The following PRMT8 variants were observed in gnomAD, a reference collection of about 807,000 sequenced individuals.
PRMT8 encodes protein arginine methyltransferase 8.
PRMT8 carries 7 observed loss-of-function variants against 47.1 expected under a neutral mutation model. The observed-to-expected ratio is 0.15, with a 90% CI of 0.08 to 0.28. PRMT8 has a LOEUF of 0.28. Among genes scored for constraint, PRMT8 ranks in the 10% least tolerant of loss-of-function variants. The probability of loss-of-function intolerance (pLI) is 1.00; values close to 1 mark genes in which losing one functional copy is unlikely to be tolerated. For synonymous variants in PRMT8, 188 were observed against 186.5 expected (o/e 1.01, Z -0.07); for missense variants, 237 against 505.4 (o/e 0.47, Z 5.09).
intron 1 of PRMT8, among the ~76,000 whole-genome samples, chr12:3,412,564 A>G (rs1490194416): frequency 6.6e-6 from 1 of 152,216 alleles, no homozygotes; most frequent in African/African-American, 2.4e-5. Context: ...TCTGTACAAA[A>G]TATTTTCCTT....
chr12:3,494,334 C>T (rs936933527), intron 1 of PRMT8, among the ~76,000 whole-genome samples: 1 of 152,178 alleles, frequency 6.6e-6, no homozygotes. Flanking sequence ...CTCATTCCAT[C>T]CTCACAACAA....
chr12:3,459,751 C>A lies in PRMT8; in HGVS notation c.48+78309C>A, dbSNP rs1021838158. Among the ~76,000 whole-genome samples, 10 of 152,116 alleles carry A rather than the reference C, an allele frequency of 6.6e-5. No individual in the cohort carries two copies. The East Asian group carries it at 1.9e-3, about 29-fold the overall frequency. ...GTGTCTGCAGCAGTGATGGAAGACG[C>A]TGGAGCCTTCCTCCTCCCCTGTCTT... On this transcript the variant is annotated intron_variant, in intron 1 of 9. Transcript: ENST00000452611.
intron 1 of PRMT8, among the ~76,000 whole-genome samples, chr12:3,383,417 A>G (rs1417544289): frequency 6.6e-6 from 1 of 152,220 alleles, no homozygotes; most frequent in African/African-American, 2.4e-5. Flanking sequence ...TTTCAGCATA[A>G]AAGTCTGCTA....
At chr12:3,405,389 A>G (rs889183788) in intron 1 of PRMT8, among the ~76,000 whole-genome samples, 1 of 152,112 alleles carries the variant, frequency 6.6e-6, no homozygotes, top group Non-Finnish European at 1.5e-5. Context: ...ATGTCATTCC[A>G]CCTCTGGCTC....
At chr12:3,528,985 A>G (rs577687931) in intron 1 of PRMT8, among the ~76,000 whole-genome samples, 1 of 152,316 alleles carries the variant, frequency 6.6e-6, no homozygotes, top group East Asian at 1.9e-4. Context: ...TGTGAGCCCC[A>G]CAGAGAAGTC....
In PRMT8 at chr12:3,521,535, T is replaced by C. The variant is rs1349149298; in HGVS notation, c.76-19071T>C. On this transcript the variant is annotated intron_variant, in intron 1 of 9. Transcript: ENST00000382622. ...GTTGCAGTCAGCTGAGATCTCACCA[T>C]TGCACTCCAGCCTGGGCAGCAAGAG... is the stretch of plus-strand genomic sequence containing the variant. Among the ~76,000 whole-genome samples the C allele has an allele frequency of 2.6e-5, 4 of 152,034 alleles. No homozygotes were observed. The East Asian group carries it at 7.7e-4, about 29-fold the overall frequency.
At chr12:3,574,742 A>G (rs1172730166) in intron 6 of PRMT8, among the ~76,000 whole-genome samples, 5 of 152,250 alleles carry the variant, frequency 3.3e-5, no homozygotes, top group Non-Finnish European at 4.4e-5. Flanking sequence ...ATTCGTGCCT[A>G]AGATTACACA....
chr12:3,491,396 A>G lies in PRMT8; in HGVS notation c.-230A>G. The G allele has an allele frequency of 2.4e-6, 3 of 1,262,154 alleles. No individual in the cohort carries two copies. The highest frequency in any genetic ancestry group is 3.0e-6 in the Non-Finnish European group (3 of 1,000,694). 78.2% of individuals were successfully genotyped at this position (1,262,154 alleles called of 1,614,324 possible). A position where few individuals can be genotyped will look rare whatever the true frequency, so the allele number is the denominator to read the frequency against. ...GGAGGGGGTCGGGGGCACGAGAAGA[A>G]CTTGAAACCGTGTGAAGGAATCCGG... On this transcript the variant is annotated 5_prime_UTR_variant, in exon 1 of 10. Coordinates refer to ENST00000382622, the MANE Select transcript of PRMT8 (RefSeq NM_019854.5).
chr12:3,386,898 C>T (rs373040760), intron 1 of PRMT8, among the ~76,000 whole-genome samples: 37 of 151,436 alleles, frequency 2.4e-4, no homozygotes, highest in South Asian at 1.3e-3. Flanking sequence ...TCAGTAGAGA[C>T]GGGGTTTCAC....
intron 1 of PRMT8, among the ~76,000 whole-genome samples, chr12:3,527,002 G>T (rs1865958107): frequency 6.6e-6 from 1 of 152,058 alleles, no homozygotes; most frequent in South Asian, 2.1e-4. Context: ...TGGTGCAGTT[G>T]GGTTCAAACC....
Position 3,453,290 on chromosome 12 carries a change from A to G in PRMT8, c.48+71848A>G, listed in dbSNP as rs1864940203. 6.6e-6 allele frequency among the ~76,000 whole-genome samples: 1 copy of G among 151,982 alleles called. No individual in the cohort carries two copies. On this transcript the variant is annotated intron_variant, in intron 1 of 9. Transcript: ENST00000452611. The surrounding 1 kb of genome is among the most constrained non-coding windows in gnomAD (Gnocchi z 4.9). ...GCTCCCTTTACACAGGCCTAATATG[A>G]CCAAACAGCACCCTTAGGACTCCTG...
chr12:3,440,015 G>A (rs1864782285), intron 1 of PRMT8, among the ~76,000 whole-genome samples: 1 of 152,144 alleles, frequency 6.6e-6, no homozygotes, highest in Admixed American at 6.5e-5. Flanking sequence ...TTAATTACGG[G>A]AACTGGAGCA....
At chr12:3,427,623 G>A (rs11062644) in intron 1 of PRMT8, among the ~76,000 whole-genome samples, 101,150 of 151,358 alleles carry the variant, frequency 0.67, 37,620 homozygotes, top group East Asian at 0.93. Context: ...TTTTACATTC[G>A]GGAGGCCTAA....
At chr12:3,412,482 T>G (rs563933791) in intron 1 of PRMT8, among the ~76,000 whole-genome samples, 1 of 152,368 alleles carries the variant, frequency 6.6e-6, no homozygotes, top group South Asian at 2.1e-4. Flanking sequence ...TTTTATACTT[T>G]ACAAACTTTA....
chr12:3,471,606 G>T (rs1468582124), intron 1 of PRMT8, among the ~76,000 whole-genome samples: 1 of 151,540 alleles, frequency 6.6e-6, no homozygotes, highest in Non-Finnish European at 1.5e-5. Context: ...CCCTCAACCA[G>T]CATGGGGCAT....
intron 4 of PRMT8, among the ~76,000 whole-genome samples, chr12:3,568,029 G>A (rs1055842501): frequency 2.6e-4 from 39 of 148,970 alleles, no homozygotes; most frequent in African/African-American, 6.4e-4. Context: ...CAGAGATCAC[G>A]CCACTGCACT....
intron 1 of PRMT8, among the ~76,000 whole-genome samples, chr12:3,458,075 T>C (rs1864995869): frequency 6.6e-6 from 1 of 151,906 alleles, no homozygotes; most frequent in Admixed American, 6.5e-5. Flanking sequence ...TTTCTTGACC[T>C]CGTGATCCGC....
chr12:3,391,382 G>A (rs1864191374), intron 1 of PRMT8, among the ~76,000 whole-genome samples: 1 of 152,190 alleles, frequency 6.6e-6, no homozygotes, highest in South Asian at 2.1e-4. Context: ...TTTGACAAAA[G>A]GCTAGAAGGA....
intron 1 of PRMT8, among the ~76,000 whole-genome samples, chr12:3,437,321 A>G (rs1864754130): frequency 6.6e-6 from 1 of 152,126 alleles, no homozygotes; most frequent in Admixed American, 6.5e-5. Flanking sequence ...ACATACAGTT[A>G]CATAGTATGG....
Sources: gnomAD v4.1 joint callset for allele counts (sites outside exome capture counted in the v4.1 genomes callset) on GRCh38, gnomAD v4.1.1 for gene constraint, Gnocchi (gnomAD v3.1) non-coding constraint, MANE v1.5 for transcripts, NCBI Gene and HGNC (gene_info 2026-07-23, HGNC 2026-07-21) for gene names.